Variants in FRAS1 observed in about 807,000 individuals in gnomAD.
The protein encoded by FRAS1 is extracellular matrix organizing protein FRAS1.
Under a neutral mutation model 435.2 loss-of-function variants are expected in FRAS1, and 290 were observed. The ratio of observed to expected loss-of-function variants is 0.67; its 90% CI spans 0.61 to 0.73. The LOEUF (loss-of-function observed/expected upper bound fraction) is 0.73. Among genes scored for constraint, FRAS1 ranks in the 30% least tolerant of loss-of-function variants. The probability of loss-of-function intolerance (pLI) is 0.00; values close to 1 mark genes in which losing one functional copy is unlikely to be tolerated. For synonymous variants in FRAS1, 1,800 were observed against 1,851.0 expected, an observed-to-expected ratio of 0.97 and a Z score of 0.71; for missense variants, 4,860 against 5,001.5, an observed-to-expected ratio of 0.97 and a Z score of 0.85.
At chr4:78,449,736 G>A (rs1718962822) in intron 44 of FRAS1, among the ~76,000 whole-genome samples, 1 of 152,134 alleles carries the variant, frequency 6.6e-6, no homozygotes, top group African/African-American at 2.4e-5. Flanking sequence ...TTGAGTTTAT[G>A]TAAAGCTATA....
At chr4:78,387,310 A>G in intron 28 of FRAS1, 65 bp from the exon 29 acceptor site, 1 of 1,153,994 alleles carries the variant, frequency 8.7e-7, no homozygotes, top group East Asian at 2.4e-5. Flanking sequence ...ACAATCAGGT[A>G]TCTAGTCCAC....
At chr4:78,316,505 C>T (rs1406217874) in intron 16 of FRAS1, among the ~76,000 whole-genome samples, 10 of 152,062 alleles carry the variant, frequency 6.6e-5, no homozygotes, top group Admixed American at 3.3e-4. Flanking sequence ...TGTGTCCTGC[C>T]CCCACGTTCT....
At chr4:78,156,115 C>T (rs1720871179) in intron 2 of FRAS1, among the ~76,000 whole-genome samples, 1 of 152,180 alleles carries the variant, frequency 6.6e-6, no homozygotes, top group Admixed American at 6.6e-5. Flanking sequence ...AGTCTCACAG[C>T]TTGATCCCAA....
At position 78,364,976 on chromosome 4, in the gene FRAS1, C is replaced by T. The variant is rs546170632; in HGVS notation, c.2722+922C>T. On this transcript the variant is annotated intron_variant, in intron 22 of 73. Transcript: ENST00000512123. ...TGAGCAAGCCAATTAACCACTAGGC[C>T]TCAGTTTCTTTTTTTTGTAAAAGGA... Among the ~76,000 whole-genome samples, 21 of 152,178 alleles carry T rather than the reference C, an allele frequency of 1.4e-4. 2 individuals carry two copies. In the South Asian group the frequency reaches 4.4e-3, roughly 32 times the overall value.
intron 23 of FRAS1, 142 bp from the exon 24 acceptor site, chr4:78,372,576 C>A: frequency 1.0e-6 from 1 of 975,318 alleles, no homozygotes; most frequent in Non-Finnish European, 1.6e-6. Context: ...AAGTGGAAAC[C>A]TCATTTGAGC....
At chr4:78,271,615 T>A (rs1726694215) in intron 9 of FRAS1, among the ~76,000 whole-genome samples, 1 of 152,232 alleles carries the variant, frequency 6.6e-6, no homozygotes, top group African/African-American at 2.4e-5. Context: ...GTTTCCAGCT[T>A]CATCCATGTC....
chr4:78,073,459 C>A (rs545835023), intron 2 of FRAS1, among the ~76,000 whole-genome samples: 20 of 152,232 alleles, frequency 1.3e-4, no homozygotes, highest in East Asian at 9.7e-4. Flanking sequence ...CTGGTCACAC[C>A]ATACACTTCC....
Position 78,535,197 on chromosome 4 carries a change from A to G in FRAS1, c.11092+582A>G, listed in dbSNP as rs896759194. On this transcript the variant is annotated intron_variant, in intron 71 of 73. Transcript: ENST00000512123. ...TCTCACTCTCCTGTCCCTGGCCTCC[A>G]TCCTCTGCCCCTTCCGTGTTAGTGT... Among the ~76,000 whole-genome samples, 3 of 151,990 alleles carry G rather than the reference A, an allele frequency of 2.0e-5. No homozygotes were observed. In the East Asian group the frequency reaches 5.8e-4, roughly 29 times the overall value.
chr4:78,130,345 T>A (rs1173706413), intron 2 of FRAS1, among the ~76,000 whole-genome samples: 2 of 152,186 alleles, frequency 1.3e-5, no homozygotes, highest in African/African-American at 4.8e-5. Context: ...ATAGGGTAGA[T>A]TATAGGAATA....
At chr4:78,357,830 G>T (rs180770725) in intron 20 of FRAS1, among the ~76,000 whole-genome samples, 1 of 152,298 alleles carries the variant, frequency 6.6e-6, no homozygotes, top group East Asian at 1.9e-4. Context: ...GGAGCCCCGA[G>T]TTCAAGGTTT....
intron 2 of FRAS1, among the ~76,000 whole-genome samples, chr4:78,098,229 C>T (rs1741916854): frequency 1.3e-5 from 2 of 151,954 alleles, no homozygotes; most frequent in African/African-American, 2.4e-5. Flanking sequence ...ACTCTGGGTT[C>T]CCACTGTGAC....
At chr4:78,102,628 A>C (rs1343830271) in intron 2 of FRAS1, among the ~76,000 whole-genome samples, 1 of 152,186 alleles carries the variant, frequency 6.6e-6, no homozygotes, top group Non-Finnish European at 1.5e-5. Flanking sequence ...TGAAGAAAAC[A>C]TGAGAAGTTG....
chr4:78,543,756 G>A lies in FRAS1; in HGVS notation c.*2632G>A, dbSNP rs1353529132. 6.6e-6 allele frequency: 1 copy of A among 152,192 alleles called. No homozygotes were observed. Among genetic ancestry groups the A allele is most frequent in the Admixed American group, 6.5e-5 (1 of 15,276 alleles). 9.4% of individuals were successfully genotyped at this position (152,192 alleles called of 1,614,324 possible). ...CATTATAGGAATCAAGTAATTTGAT[G>A]ACTAATGTGGATTATATTTCAGTCA... On this transcript the variant is annotated 3_prime_UTR_variant, in exon 74 of 74. Coordinates refer to ENST00000512123, the MANE Select transcript of FRAS1 (RefSeq NM_025074.7).
chr4:78,317,416 G>A lies in FRAS1; in HGVS notation c.1868G>A (p.Cys623Tyr). 6.2e-7 allele frequency: 1 copy of A among 1,613,884 alleles called. No individual in the cohort carries two copies. The change falls in exon 17 of 74, where the codon TGT becomes TAT. Residue 623 changes from cysteine (C) to tyrosine (Y), a missense_variant. Transcript: ENST00000512123. ...TGCTCTGGGCCCACACCCTCTCACTGTACAGCCTGCAGCCCCCCCAAGGCT... is the reference window on the plus strand; with the variant it reads ...TGCTCTGGGCCCACACCCTCTCACTATACAGCCTGCAGCCCCCCCAAGGCT... Reference protein sequence around the residue: ...ASCSGPTPSHCTACSPPKALR... With the variant: ...ASCSGPTPSHYTACSPPKALR...
At chr4:78,200,927 T>A (rs962211807) in intron 2 of FRAS1, among the ~76,000 whole-genome samples, 4 of 137,696 alleles carry the variant, frequency 2.9e-5, no homozygotes, top group Admixed American at 2.8e-4. Context: ...ATGTTAAATA[T>A]ATATATTTAT....
At chr4:78,388,614 G>A (rs1312067059) in intron 29 of FRAS1, among the ~76,000 whole-genome samples, 3 of 150,444 alleles carry the variant, frequency 2.0e-5, no homozygotes, top group East Asian at 1.9e-4. Flanking sequence ...CGTGAGCAAC[G>A]TGGAGAAATC....
chr4:78,251,310 G>A (rs1327582731), intron 4 of FRAS1, among the ~76,000 whole-genome samples: 1 of 152,168 alleles, frequency 6.6e-6, no homozygotes, highest in African/African-American at 2.4e-5. Flanking sequence ...TCAAAACAAG[G>A]TGTGGAAGAA....
chr4:78,065,949 CATCCCTTTTA>C, intron 1 of FRAS1, 26 bp from the exon 2 acceptor site: 1 of 1,553,984 alleles, frequency 6.4e-7, no homozygotes, highest in Non-Finnish European at 8.9e-7. Context: ...GTTTATTATG[CATCCCTTTTA>C]ATTCTTGTTT....
intron 2 of FRAS1, chr4:78,068,529 G>C (rs1446443474): frequency 2.2e-6 from 1 of 456,292 alleles, no homozygotes; most frequent in South Asian, 1.5e-5. Context: ...TGAGCCTTGT[G>C]CAGACTTTAG....
Sources: allele counts gnomAD v4.1 joint callset (sites outside exome capture counted in the v4.1 genomes callset), GRCh38; gene constraint gnomAD v4.1.1; transcripts MANE v1.5; gene names NCBI Gene and HGNC (gene_info 2026-07-23, HGNC 2026-07-21).